Variants in CYSTM1 observed in about 807,000 individuals in gnomAD.
CYSTM1 encodes the protein cysteine-rich transmembrane module-containing protein 1.
In CYSTM1, 4 loss-of-function variants were observed where a neutral mutation model predicts 13.1. The ratio of observed to expected loss-of-function variants is 0.31; its 90% CI spans 0.15 to 0.70. The LOEUF (loss-of-function observed/expected upper bound fraction) is 0.70, where lower values mean the gene tolerates loss of function less well. Among genes scored for constraint, CYSTM1 ranks in the 30% least tolerant of loss-of-function variants. The pLI is 0.72. For synonymous variants in CYSTM1, 36 were observed against 42.7 expected, an observed-to-expected ratio of 0.84 and a Z score of 0.62; for missense variants, 96 against 121.6, an observed-to-expected ratio of 0.79 and a Z score of 0.99.
Position 140,194,655 on chromosome 5 carries a change from G to A in CYSTM1, c.187+3G>A, listed in dbSNP as rs879042326. 2 of 1,608,822 alleles carry A rather than the reference G, an allele frequency of 1.2e-6. No homozygotes were observed. Among genetic ancestry groups the A allele is most frequent in the Admixed American group, 1.7e-5 (1 of 58,236 alleles). ...TCAGGAGCCTCCTAAAACCACAGGT[G>A]TGTGTCTCTGAATATGTGGGTGTGC... On this transcript the variant is annotated splice_donor_region_variant and intron_variant, in intron 2 of 2. Coordinates refer to ENST00000261811, the MANE Select transcript of CYSTM1 (RefSeq NM_032412.4).
At chr5:140,179,964 C>T (rs949138138) in intron 1 of CYSTM1, among the ~76,000 whole-genome samples, 18 of 152,238 alleles carry the variant, frequency 1.2e-4, no homozygotes, top group African/African-American at 4.3e-4. Flanking sequence ...CGCCCAGCCT[C>T]ACTCTCTTTT....
At chr5:140,234,863 A>T (rs1764660029) in intron 2 of CYSTM1, among the ~76,000 whole-genome samples, 1 of 152,096 alleles carries the variant, frequency 6.6e-6, no homozygotes, top group Non-Finnish European at 1.5e-5. Context: ...CGAGGTCTTT[A>T]CACCGTCATC....
At chr5:140,218,649 C>T (rs941068422) in intron 2 of CYSTM1, among the ~76,000 whole-genome samples, 3 of 152,204 alleles carry the variant, frequency 2.0e-5, no homozygotes, top group African/African-American at 7.2e-5. Flanking sequence ...CCTTGGTGGG[C>T]TGCCAGGCCC....
In CYSTM1 at chr5:140,207,456, C is replaced by T. The variant is rs554753611; in HGVS notation, c.187+12804C>T. Among the ~76,000 whole-genome samples, 391 of 152,288 alleles carry T rather than the reference C, an allele frequency of 2.6e-3. 3 individuals are homozygous for T. Among genetic ancestry groups the T allele is most frequent in the African/African-American group, 8.8e-3 (365 of 41,552 alleles). On this transcript the variant is annotated intron_variant, in intron 2 of 2. Transcript: ENST00000261811. ...TTGGTGTAGACGATTTGCCACTGTA[C>T]TAGGCTTTCCTGTGATAGGTCAAAG...
chr5:140,233,810 A>C (rs1016098061), intron 2 of CYSTM1, among the ~76,000 whole-genome samples: 3 of 152,102 alleles, frequency 2.0e-5, no homozygotes, highest in African/African-American at 7.2e-5. Context: ...ATCCACTTTC[A>C]AATTGGGTTG....
chr5:140,175,616 C>T lies in CYSTM1; in HGVS notation c.-21+331C>T, dbSNP rs528491255. ...GGCGGGCTCGGAGCGGGGCTCGCCA[C>T]ACCCCGTCCCGGGGGACGTCCGCGG... On this transcript the variant is annotated intron_variant, in intron 1 of 2. Coordinates refer to ENST00000261811, the MANE Select transcript of CYSTM1 (RefSeq NM_032412.4). The surrounding 1 kb of genome is among the most constrained non-coding windows in gnomAD (Gnocchi z 4.9). 1.3e-5 allele frequency among the ~76,000 whole-genome samples: 2 copies of T among 152,246 alleles called. No individual in the cohort carries two copies. Among genetic ancestry groups the T allele is most frequent in the Admixed American group, 1.3e-4 (2 of 15,290 alleles).
At chr5:140,223,304 C>T (rs1764511442) in intron 2 of CYSTM1, among the ~76,000 whole-genome samples, 1 of 152,230 alleles carries the variant, frequency 6.6e-6, no homozygotes, top group South Asian at 2.1e-4. Context: ...CCTGCTCTGG[C>T]ACATGGCCCC....
intron 1 of CYSTM1, among the ~76,000 whole-genome samples, chr5:140,178,773 T>G (rs1312718182): frequency 6.6e-6 from 1 of 151,912 alleles, no homozygotes; most frequent in Non-Finnish European, 1.5e-5. Flanking sequence ...GCTAATTTTT[T>G]GTGTTTTTTG....
At chr5:140,227,356 G>A (rs1329555776) in intron 2 of CYSTM1, among the ~76,000 whole-genome samples, 1 of 152,182 alleles carries the variant, frequency 6.6e-6, no homozygotes, top group Admixed American at 6.5e-5. Flanking sequence ...CCTAGGAATT[G>A]CAGCAGTATA....
At chr5:140,227,553 G>A (rs1049882642) in intron 2 of CYSTM1, among the ~76,000 whole-genome samples, 10 of 152,128 alleles carry the variant, frequency 6.6e-5, no homozygotes, top group African/African-American at 2.4e-4. Flanking sequence ...GAGGTGCCAG[G>A]TCAGGCTATA....
At chr5:140,215,778 T>G (rs1038253798) in intron 2 of CYSTM1, among the ~76,000 whole-genome samples, 1 of 152,042 alleles carries the variant, frequency 6.6e-6, no homozygotes, top group Non-Finnish European at 1.5e-5. Context: ...TATGTTGGTG[T>G]AGGGTGGGAA....
At chr5:140,229,853 A>C (rs1262366432) in intron 2 of CYSTM1, among the ~76,000 whole-genome samples, 1 of 151,936 alleles carries the variant, frequency 6.6e-6, no homozygotes, top group African/African-American at 2.4e-5. Context: ...ATGTGCCACC[A>C]CACCCAGCTA....
rs1168309281 is a variant in CYSTM1, at chr5:140,175,685, G to C, written c.-21+400G>C. On this transcript the variant is annotated intron_variant, in intron 1 of 2. Transcript: ENST00000261811. The surrounding 1 kb of genome is among the most constrained non-coding windows in gnomAD (Gnocchi z 4.9). ...CGCCTTGGGCTGCGATTTCTGAGGC[G>C]CTGCTCTGCCTATTCCGAGCTGGGC... Among the ~76,000 whole-genome samples, 3 of 152,250 alleles carry C rather than the reference G, an allele frequency of 2.0e-5. No individual in the cohort carries two copies. The highest frequency in any genetic ancestry group is 4.4e-5 in the Non-Finnish European group (3 of 68,040).
At chr5:140,181,767 G>A (rs895189851) in intron 1 of CYSTM1, among the ~76,000 whole-genome samples, 1 of 152,166 alleles carries the variant, frequency 6.6e-6, no homozygotes, top group Non-Finnish European at 1.5e-5. Context: ...AGCCACGGGG[G>A]CCACTGCCAC....
intron 2 of CYSTM1, among the ~76,000 whole-genome samples, chr5:140,200,011 G>A (rs763957258): frequency 1.3e-5 from 2 of 152,130 alleles, no homozygotes; most frequent in Non-Finnish European, 2.9e-5. Flanking sequence ...GTAGATTGTG[G>A]ATATTGGCCC....
intron 2 of CYSTM1, among the ~76,000 whole-genome samples, chr5:140,195,942 G>A (rs915886868): frequency 1.3e-5 from 2 of 151,684 alleles, no homozygotes; most frequent in Non-Finnish European, 2.9e-5. Context: ...CTACTCAGGA[G>A]GCTGAGGCAG....
intron 2 of CYSTM1, among the ~76,000 whole-genome samples, chr5:140,220,952 A>G (rs1764481710): frequency 6.6e-6 from 1 of 152,150 alleles, no homozygotes; most frequent in Non-Finnish European, 1.5e-5. Context: ...CAACGTACAG[A>G]GTTTTGCCTG....
intron 2 of CYSTM1, among the ~76,000 whole-genome samples, chr5:140,216,825 GCC>G (rs1764432645): frequency 6.6e-6 from 1 of 152,026 alleles, no homozygotes; most frequent in African/African-American, 2.4e-5. Flanking sequence ...TCCTAAGGTT[GCC>G]CTGACCCATC....
chr5:140,183,399 A>T (rs1763980937), intron 1 of CYSTM1, among the ~76,000 whole-genome samples: 1 of 151,694 alleles, frequency 6.6e-6, no homozygotes, highest in Non-Finnish European at 1.5e-5. Flanking sequence ...GCTGGGCCCC[A>T]TTTTCTCTCC....
Sources: allele counts gnomAD v4.1 joint callset (sites outside exome capture counted in the v4.1 genomes callset), GRCh38; gene constraint gnomAD v4.1.1; non-coding constraint Gnocchi (gnomAD v3.1); transcripts MANE v1.5; gene names NCBI Gene and HGNC (gene_info 2026-07-23, HGNC 2026-07-21).